Variants in SEMA4A observed in about 807,000 individuals in gnomAD.
SEMA4A encodes semaphorin 4A, also known as semaphorin-4A.
SEMA4A carries 52 observed loss-of-function variants against 72.5 expected under a neutral mutation model. The observed-to-expected ratio is 0.72, with a 90% CI of 0.57 to 0.90. The LOEUF (loss-of-function observed/expected upper bound fraction) is 0.90. Among genes scored for constraint, SEMA4A ranks in the 40% least tolerant of loss-of-function variants. SEMA4A has a pLI of 0.00. For synonymous variants in SEMA4A, 369 were observed against 393.1 expected (o/e 0.94, Z 0.73); for missense variants, 926 against 959.7 (o/e 0.96, Z 0.46).
At chr1:156,171,276 A>C (rs1654747212) in intron 10 of SEMA4A, among the ~76,000 whole-genome samples, 1 of 152,220 alleles carries the variant, frequency 6.6e-6, no homozygotes, top group Non-Finnish European at 1.5e-5. Flanking sequence ...TCCTGACTGA[A>C]GATCAAGACA....
chr1:156,162,731 T>C (rs770957998), intron 9 of SEMA4A, among the ~76,000 whole-genome samples: 11 of 152,242 alleles, frequency 7.2e-5, no homozygotes, highest in Non-Finnish European at 1.3e-4. Context: ...GATCCCAAGA[T>C]GGGCCTAGAG....
At chr1:156,173,655 G>A (rs748826018) in intron 11 of SEMA4A, among the ~76,000 whole-genome samples, 2 of 152,146 alleles carry the variant, frequency 1.3e-5, no homozygotes, top group South Asian at 2.1e-4. Context: ...CTGTAGCAGC[G>A]GGGTGTGACT....
At chr1:156,171,505 T>C (rs914513974) in intron 10 of SEMA4A, among the ~76,000 whole-genome samples, 4 of 152,190 alleles carry the variant, frequency 2.6e-5, no homozygotes, top group African/African-American at 9.7e-5. Context: ...CAGCAAACAT[T>C]TATTGAGCAC....
upstream of SEMA4A, among the ~76,000 whole-genome samples, chr1:156,148,393 T>A (rs1010064568): frequency 1.3e-5 from 2 of 152,152 alleles, no homozygotes; most frequent in African/African-American, 4.8e-5. Context: ...CAGGAATCAG[T>A]GGGGACATGG....
In SEMA4A at chr1:156,176,557, G is replaced by A; in HGVS notation, c.1846G>A (p.Asp616Asn). 1 of 1,614,192 alleles carries A rather than the reference G, an allele frequency of 6.2e-7. No homozygotes were observed. The highest frequency in any genetic ancestry group is 8.5e-7 in the Non-Finnish European group (1 of 1,180,044). The change falls in exon 15 of 15, where the codon GAT (aspartate) becomes AAT (asparagine). Residue 616 changes from aspartate to asparagine, a missense_variant. Transcript: ENST00000368285. ...YNGSLLLIVQDGVGGLYQCWA... is the reference protein window; with the variant it reads ...YNGSLLLIVQNGVGGLYQCWA... ...TGGCTCCCTCTTGCTGATAGTGCAG[G>A]ATGGAGTTGGGGGTCTCTACCAGTG...
rs200251591 is a variant in SEMA4A at position 156,176,702 on chromosome 1, C to T, written c.1991C>T (p.Pro664Leu). Residue 664 changes from proline to leucine, a missense_variant, in exon 15 of 15, where the codon CCG (proline) becomes CTG (leucine). Coordinates refer to ENST00000368285, the MANE Select transcript of SEMA4A (RefSeq NM_022367.4). The part of the protein sequence containing the change: ...AGIPREHVKV[P>L]LTRVSGGAAL... ...ATCCCCCGGGAGCATGTGAAGGTCC[C>T]GTTGACCAGGGTCAGTGGTGGGGCC... The T allele has an allele frequency of 6.9e-5, 112 of 1,613,948 alleles. No individual in the cohort carries two copies. Among genetic ancestry groups the T allele is most frequent in the African/African-American group, 9.3e-5 (7 of 74,926 alleles).
In SEMA4A at chr1:156,154,664, C is replaced by G. The variant is rs1045906206; in HGVS notation, c.86C>G (p.Thr29Arg). Residue 29 changes from threonine to arginine, a missense_variant, in exon 2 of 15, where the codon ACG (threonine) becomes AGG (arginine). By Grantham distance (71) the Thr-to-Arg change is moderately conservative. Coordinates refer to ENST00000368285, the MANE Select transcript of SEMA4A (RefSeq NM_022367.4). ...FQLLQLLLPT[T>R]TAGGGGQGPM... ...CTGCTTCAGCTGCTGCTGCCGACGACGACCGCGGGGGGAGGCGGGCAGGGG... is the reference window on the plus strand; with the variant it reads ...CTGCTTCAGCTGCTGCTGCCGACGAGGACCGCGGGGGGAGGCGGGCAGGGG... 4 of 1,603,740 alleles carry G rather than the reference C, an allele frequency of 2.5e-6. No homozygotes were observed. The highest frequency in any genetic ancestry group is 3.4e-6 in the Non-Finnish European group (4 of 1,175,730).
intron 11 of SEMA4A, among the ~76,000 whole-genome samples, chr1:156,173,811 T>C (rs996642809): frequency 6.6e-6 from 1 of 151,948 alleles, no homozygotes; most frequent in Admixed American, 6.6e-5. Context: ...GAGAGGTAGA[T>C]TCAAATAGCC....
chr1:156,169,933 G>T (rs952667422), intron 10 of SEMA4A, among the ~76,000 whole-genome samples: 17 of 151,964 alleles, frequency 1.1e-4, no homozygotes, highest in African/African-American at 3.9e-4. Context: ...ACTGAGGCAC[G>T]AGAATTGCTT....
intron 10 of SEMA4A, among the ~76,000 whole-genome samples, chr1:156,164,380 C>A (rs953134400): frequency 1.3e-5 from 2 of 152,146 alleles, no homozygotes; most frequent in Non-Finnish European, 2.9e-5. Context: ...TAACTATGTT[C>A]CCCAACCCCC....
chr1:156,151,570 C>T (rs1001304346), upstream of SEMA4A, among the ~76,000 whole-genome samples: 2 of 152,292 alleles, frequency 1.3e-5, no homozygotes, highest in African/African-American at 2.4e-5. Flanking sequence ...CAGTGTCTCA[C>T]GCCTGTAATC....
Position 156,162,935 on chromosome 1 carries a change from T to C in SEMA4A, c.984-9T>C, listed in dbSNP as rs1653797167. On this transcript the variant is annotated splice_polypyrimidine_tract_variant and intron_variant, in intron 9 of 14. Transcript: ENST00000368285. ...GACCACAGACAATGTTCCCTCTGGC[T>C]GTCTCCAGGCAGGTTGGCGGGACCA... 1 of 1,613,438 alleles carries C rather than the reference T, an allele frequency of 6.2e-7. No homozygotes were observed. The highest frequency in any genetic ancestry group is 1.8e-4 in the Middle Eastern group (1 of 5,434).
chr1:156,164,625 G>A (rs951841139), intron 10 of SEMA4A, among the ~76,000 whole-genome samples: 2 of 151,992 alleles, frequency 1.3e-5, no homozygotes, highest in African/African-American at 2.4e-5. Context: ...ATCTCCTAAC[G>A]TAGTTTTCTA....
At chr1:156,149,349 C>G (rs1049213847), upstream of SEMA4A, among the ~76,000 whole-genome samples, 7 of 152,220 alleles carry the variant, frequency 4.6e-5, no homozygotes, top group South Asian at 6.2e-4. Flanking sequence ...AGTCTGCTCT[C>G]TACAGCACAA....
chr1:156,170,933 T>TA (rs374669850), intron 10 of SEMA4A, among the ~76,000 whole-genome samples: 7 of 146,268 alleles, frequency 4.8e-5, no homozygotes, highest in East Asian at 4.1e-4. Flanking sequence ...AACAATTTTT[T>TA]AAAAAAAAAA....
Position 156,176,700 on chromosome 1 carries a change from C to T in SEMA4A, c.1989C>T (p.Val663=). 6.2e-7 allele frequency: 1 copy of T among 1,614,078 alleles called. No homozygotes were observed. The part of the protein sequence containing the change: ...LAGIPREHVK[V]PLTRVSGGAA... ...GCATCCCCCGGGAGCATGTGAAGGT[C>T]CCGTTGACCAGGGTCAGTGGTGGGG... The change falls in exon 15 of 15, where the codon GTC becomes GTT. Residue 663 remains valine (V), a synonymous_variant. Transcript: ENST00000368285.
At chr1:156,166,454 A>C (rs1654168718) in intron 10 of SEMA4A, among the ~76,000 whole-genome samples, 1 of 152,224 alleles carries the variant, frequency 6.6e-6, no homozygotes, top group East Asian at 1.9e-4. Flanking sequence ...TGGGGCTTAC[A>C]TTCCAATGGG....
intron 4 of SEMA4A, 38 bp from the exon 5 acceptor site, chr1:156,158,350 C>T: frequency 6.5e-7 from 1 of 1,536,928 alleles, no homozygotes; most frequent in African/African-American, 1.4e-5. Context: ...CAATTTGAGT[C>T]AGGTGGCCTG....
chr1:156,154,822 C>A, intron 2 of SEMA4A, 105 bp downstream of exon 2: 1 of 1,329,322 alleles, frequency 7.5e-7, no homozygotes, highest in Non-Finnish European at 1.0e-6. Flanking sequence ...TATGGAGAAA[C>A]AGGGACACAG....
Sources: gnomAD v4.1 joint callset for allele counts (sites outside exome capture counted in the v4.1 genomes callset) on GRCh38, gnomAD v4.1.1 for gene constraint, MANE v1.5 for transcripts, NCBI Gene and HGNC (gene_info 2026-07-23, HGNC 2026-07-21) for gene names.